Variants in SLC38A8 observed in about 807,000 individuals in gnomAD.
SLC38A8 encodes amino acid transporter SLC38A8.
A neutral mutation model predicts 46.0 loss-of-function variants in SLC38A8; 65 were observed. The ratio of observed to expected loss-of-function variants is 1.41; its 90% CI spans 1.16 to 1.74. The LOEUF (loss-of-function observed/expected upper bound fraction) is 1.74, where lower values mean the gene tolerates loss of function less well. Ranked by LOEUF, SLC38A8 falls within the 40% of genes most tolerant of loss-of-function variation. SLC38A8 has a pLI of 0.00. For missense variants in SLC38A8, 998 were observed against 567.9 expected, an observed-to-expected ratio of 1.76 and a Z score of -7.70; for synonymous variants, 447 against 243.7, an observed-to-expected ratio of 1.83 and a Z score of -7.77.
chr16:84,013,532 G>C (rs973244263), intron 9 of SLC38A8, among the ~76,000 whole-genome samples: 2 of 137,144 alleles, frequency 1.5e-5, no homozygotes, highest in Non-Finnish European at 3.1e-5. Flanking sequence ...CCGGGTTCAA[G>C]TCATTCTCGT....
intron 5 of SLC38A8, among the ~76,000 whole-genome samples, chr16:84,029,937 C>G (rs1446448351): frequency 1.3e-5 from 2 of 152,196 alleles, no homozygotes; most frequent in Non-Finnish European, 2.9e-5. Flanking sequence ...ATGGTTTGAG[C>G]TCTGTCCAAG....
chr16:84,026,164 A>G (rs112899610), intron 6 of SLC38A8, among the ~76,000 whole-genome samples: 6,966 of 152,340 alleles, frequency 0.046, 287 homozygotes, highest in African/African-American at 0.11. Context: ...AGTGCCAGAC[A>G]GGTTGGTGGG....
At chr16:84,032,550 C>CCAGCAAA (rs1202848779) in intron 4 of SLC38A8, among the ~76,000 whole-genome samples, 3 of 152,206 alleles carry the variant, frequency 2.0e-5, no homozygotes, top group African/African-American at 7.2e-5. Flanking sequence ...TTCCTTCCCA[C>CCAGCAAA]CAGCAAAAGC....
chr16:84,029,597 C>A (rs375772807), intron 5 of SLC38A8, 46 bp from the exon 6 acceptor site: 1 of 1,586,746 alleles, frequency 6.3e-7, no homozygotes, highest in South Asian at 1.1e-5. Flanking sequence ...GGGTCACACC[C>A]GGAACAACCT....
chr16:84,024,836 C>G (rs572810360), intron 6 of SLC38A8, among the ~76,000 whole-genome samples: 1 of 152,226 alleles, frequency 6.6e-6, no homozygotes, highest in East Asian at 2.0e-4. Context: ...ATTACAGGCA[C>G]GCCCAGCTAA....
At chr16:84,029,669 T>C (rs1254616321) in intron 5 of SLC38A8, 118 bp from the exon 6 acceptor site, 4 of 1,020,702 alleles carry the variant, frequency 3.9e-6, no homozygotes, top group Non-Finnish European at 5.9e-6. Flanking sequence ...GGCTGCAAGA[T>C]GTATTTTTAA....
chr16:84,029,277 A>G (rs2085208179), intron 6 of SLC38A8, among the ~76,000 whole-genome samples: 1 of 152,108 alleles, frequency 6.6e-6, no homozygotes. Flanking sequence ...TCCCAAGTTC[A>G]AGGCAATTCC....
At chr16:84,012,648 C>T (rs1280265449) in intron 10 of SLC38A8, among the ~76,000 whole-genome samples, 1 of 152,190 alleles carries the variant, frequency 6.6e-6, no homozygotes, top group Admixed American at 6.5e-5. Context: ...GGCCATGGGG[C>T]CTTTCTAACC....
chr16:84,029,639 G>C (rs1313163211), intron 5 of SLC38A8, 88 bp from the exon 6 acceptor site: 9 of 1,318,318 alleles, frequency 6.8e-6, no homozygotes, highest in Non-Finnish European at 8.6e-6. Context: ...AAAGGATGCT[G>C]GGAAAATGTA....
At chr16:84,014,314 T>C (rs2084997287) in intron 9 of SLC38A8, among the ~76,000 whole-genome samples, 1 of 141,580 alleles carries the variant, frequency 7.1e-6, no homozygotes, top group African/African-American at 2.7e-5. Flanking sequence ...AATAAGGAGC[T>C]GCGTGGCCAC....
chr16:84,038,973 C>T (rs2085335152), intron 2 of SLC38A8, among the ~76,000 whole-genome samples: 1 of 152,120 alleles, frequency 6.6e-6, no homozygotes, highest in Non-Finnish European at 1.5e-5. Flanking sequence ...TGCAGATGTC[C>T]ACAAGGAAAA....
intron 9 of SLC38A8, 67 bp from the exon 10 acceptor site, chr16:84,013,119 G>T: frequency 6.3e-7 from 1 of 1,594,796 alleles, no homozygotes; most frequent in Non-Finnish European, 8.6e-7. Flanking sequence ...AAGGTCCCGG[G>T]AGAGGTCCTC....
At chr16:84,013,277 G>A (rs1027102760) in intron 9 of SLC38A8, among the ~76,000 whole-genome samples, 4 of 152,052 alleles carry the variant, frequency 2.6e-5, no homozygotes, top group East Asian at 1.9e-4. Flanking sequence ...GGCAGCAACC[G>A]ACTTCCCAGA....
intron 3 of SLC38A8, 63 bp from the exon 4 acceptor site, chr16:84,033,532 C>T (rs2085270180): frequency 1.3e-6 from 2 of 1,506,286 alleles, no homozygotes; most frequent in South Asian, 1.3e-5. Flanking sequence ...TCGGCTCCCA[C>T]CTGGCCCTTC....
intron 4 of SLC38A8, among the ~76,000 whole-genome samples, chr16:84,033,081 A>C (rs1177829876): frequency 6.6e-6 from 1 of 152,104 alleles, no homozygotes. Flanking sequence ...CTCTGCAGCC[A>C]TGTGCAAAAA....
At chr16:84,036,352 C>T (rs1385735959) in intron 3 of SLC38A8, among the ~76,000 whole-genome samples, 1 of 152,224 alleles carries the variant, frequency 6.6e-6, no homozygotes, top group Non-Finnish European at 1.5e-5. Context: ...TTGGTGAGGG[C>T]TCAGAGCCAC....
In SLC38A8 at chr16:84,013,773, A is replaced by G. The variant is rs796671943; in HGVS notation, c.1163-721T>C. Among the ~76,000 whole-genome samples, 8 of 148,700 alleles carry G rather than the reference A, an allele frequency of 5.4e-5. 2 individuals are homozygous for G. The highest frequency in any genetic ancestry group is 2.0e-4 in the African/African-American group (8 of 40,090). On this transcript the variant is annotated intron_variant, in intron 9 of 10. Coordinates refer to ENST00000299709, the MANE Select transcript of SLC38A8 (RefSeq NM_001080442.3). ...AATAGTTCTGCTAGGATTCAGGGCC[A>G]TGTAGCTTGGCCTAAAGCTCCCAAA...
Position 84,036,690 on chromosome 16 carries a change from G to C in SLC38A8, c.388+12C>G, listed in dbSNP as rs111631768. On this transcript the variant is annotated intron_variant, in intron 3 of 10. Coordinates refer to ENST00000299709, the MANE Select transcript of SLC38A8 (RefSeq NM_001080442.3). The stretch of plus-strand genomic sequence containing the variant: ...CACCCTGGGCCACCCCGAGTCCCAT[G>C]AAGGTACTTACGCTTCTCCAGCTGG... 1.1e-5 allele frequency: 18 copies of C among 1,613,854 alleles called. No individual in the cohort carries two copies. The Admixed American group carries it at 1.2e-4, about 10-fold the overall frequency.
chr16:84,034,106 A>G (rs78065078), intron 3 of SLC38A8, among the ~76,000 whole-genome samples: 4,698 of 152,248 alleles, frequency 0.031, 240 homozygotes, highest in African/African-American at 0.11. Flanking sequence ...CTACTGCCTG[A>G]TGGGTACACC....
Sources: gnomAD v4.1 joint callset for allele counts (sites outside exome capture counted in the v4.1 genomes callset) on GRCh38, gnomAD v4.1.1 for gene constraint, MANE v1.5 for transcripts, NCBI Gene and HGNC (gene_info 2026-07-23, HGNC 2026-07-21) for gene names.